GRID1: variants seen among roughly 807,000 people sequenced by gnomAD.
The protein encoded by GRID1 is glutamate receptor ionotropic, delta-1.
A neutral mutation model predicts 98.0 loss-of-function variants in GRID1; 28 were observed. The ratio of observed to expected loss-of-function variants is 0.29; its 90% CI spans 0.21 to 0.39. The LOEUF (loss-of-function observed/expected upper bound fraction) is 0.39, where lower values mean the gene tolerates loss of function less well. GRID1 is among the 10% of genes least tolerant of loss of function. GRID1 has a pLI of 1.00. For synonymous variants in GRID1, 553 were observed against 538.5 expected (o/e 1.03, Z -0.37); for missense variants, 1,111 against 1,340.5 (o/e 0.83, Z 2.67).
intron 4 of GRID1, among the ~76,000 whole-genome samples, chr10:86,138,087 C>G (rs904716558): frequency 6.6e-6 from 1 of 152,152 alleles, no homozygotes; most frequent in Non-Finnish European, 1.5e-5. Flanking sequence ...GCTCACCCCC[C>G]AAAACCAACC....
At position 85,613,752 on chromosome 10, in the gene GRID1, G is replaced by C; in HGVS notation, c.2361-105C>G. On this transcript the variant is annotated intron_variant, in intron 14 of 15. Transcript: ENST00000327946. The stretch of plus-strand genomic sequence containing the variant: ...TGCTGGCCCCACCACAGACAACATT[G>C]AGCCATCCTAGCAGCTTTCTGCCTT... 4 of 1,342,168 alleles carry C rather than the reference G, an allele frequency of 3.0e-6. No individual in the cohort carries two copies. In the South Asian group the frequency reaches 5.5e-5, roughly 18 times the overall value. The allele number at this position is 1,342,168 out of a possible 1,614,324, so 83.1% of individuals were successfully genotyped here. A position where few individuals can be genotyped will look rare whatever the true frequency, so the allele number is the denominator to read the frequency against.
At chr10:85,748,321 T>G in intron 8 of GRID1, among the ~76,000 whole-genome samples, 1 of 152,166 alleles carries the variant, frequency 6.6e-6, no homozygotes, top group South Asian at 2.1e-4. Flanking sequence ...TGAGATTGCC[T>G]GAGAAACATC....
chr10:86,024,897 T>G (rs1004645527), intron 4 of GRID1, among the ~76,000 whole-genome samples: 1 of 152,134 alleles, frequency 6.6e-6, no homozygotes, highest in Admixed American at 6.5e-5. Flanking sequence ...ACAGAGTAGA[T>G]AAGATGAGGC....
At chr10:86,260,428 C>G (rs1846998356) in intron 2 of GRID1, among the ~76,000 whole-genome samples, 1 of 152,212 alleles carries the variant, frequency 6.6e-6, no homozygotes, top group African/African-American at 2.4e-5. Flanking sequence ...CTAAGAACTT[C>G]TATGCTCCCA....
At chr10:85,772,003 A>G (rs1012757227) in intron 8 of GRID1, among the ~76,000 whole-genome samples, 1 of 152,186 alleles carries the variant, frequency 6.6e-6, no homozygotes, top group Non-Finnish European at 1.5e-5. Context: ...CTCCACCCCA[A>G]ATCAACAGAA....
intron 8 of GRID1, among the ~76,000 whole-genome samples, chr10:85,815,316 C>T (rs78360992): frequency 0.085 from 12,972 of 152,038 alleles, 704 homozygotes; most frequent in Middle Eastern, 0.17. Context: ...TGAATGCTTT[C>T]TCCCTAAGAG....
chr10:85,625,814 T>C (rs190646173), intron 13 of GRID1, among the ~76,000 whole-genome samples: 4 of 152,350 alleles, frequency 2.6e-5, no homozygotes, highest in Admixed American at 2.0e-4. Context: ...AGTGAGCTGA[T>C]TGGATGACTT....
intron 4 of GRID1, among the ~76,000 whole-genome samples, chr10:85,918,548 C>A (rs1176344878): frequency 6.6e-6 from 1 of 152,178 alleles, no homozygotes; most frequent in Non-Finnish European, 1.5e-5. Context: ...CACACTATAG[C>A]CCAGTCATGG....
intron 3 of GRID1, among the ~76,000 whole-genome samples, chr10:86,204,244 A>C (rs1335156200): frequency 1.3e-5 from 2 of 152,184 alleles, no homozygotes; most frequent in African/African-American, 2.4e-5. Context: ...GTTTTGTGTG[A>C]AAATGGCTTG....
At chr10:86,215,305 G>A (rs777998633) in intron 2 of GRID1, among the ~76,000 whole-genome samples, 2 of 152,230 alleles carry the variant, frequency 1.3e-5, no homozygotes, top group Admixed American at 6.5e-5. Flanking sequence ...ATGCAGTCAG[G>A]ATGCACGAAG....
intron 8 of GRID1, among the ~76,000 whole-genome samples, chr10:85,737,224 TG>T (rs1841891800): frequency 6.6e-6 from 1 of 152,060 alleles, no homozygotes; most frequent in Non-Finnish European, 1.5e-5. Context: ...CCTAGAAGGA[TG>T]TGTGTTAAGT....
At chr10:85,680,391 A>G (rs183924132) in intron 12 of GRID1, among the ~76,000 whole-genome samples, 33 of 152,302 alleles carry the variant, frequency 2.2e-4, no homozygotes, top group African/African-American at 7.0e-4. Context: ...ATCTTCCCAA[A>G]GTGCCACATG....
At chr10:85,977,944 G>T (rs532833086) in intron 4 of GRID1, among the ~76,000 whole-genome samples, 1 of 152,282 alleles carries the variant, frequency 6.6e-6, no homozygotes, top group African/African-American at 2.4e-5. Context: ...TGGCAGCTGT[G>T]ATCACAGACG....
intron 4 of GRID1, among the ~76,000 whole-genome samples, chr10:86,117,894 G>T (rs1253538754): frequency 6.6e-6 from 1 of 152,206 alleles, no homozygotes; most frequent in Non-Finnish European, 1.5e-5. Context: ...CAACAGTGTG[G>T]AGATACCTTA....
chr10:85,758,874 A>G (rs1374657102), intron 8 of GRID1, among the ~76,000 whole-genome samples: 1 of 152,220 alleles, frequency 6.6e-6, no homozygotes, highest in African/African-American at 2.4e-5. Context: ...CTGGTGGAAC[A>G]GACTCCAGAC....
intron 3 of GRID1, among the ~76,000 whole-genome samples, chr10:86,167,187 G>A (rs567308665): frequency 6.6e-6 from 1 of 152,360 alleles, no homozygotes; most frequent in Non-Finnish European, 1.5e-5. Flanking sequence ...GGACCAAGGA[G>A]CTTCCAATAA....
chr10:86,084,948 G>A (rs921490904), intron 4 of GRID1, among the ~76,000 whole-genome samples: 4 of 152,124 alleles, frequency 2.6e-5, no homozygotes, highest in African/African-American at 9.7e-5. Context: ...TTCTGGAAAC[G>A]GATGGTGGTG....
At position 85,599,607 on chromosome 10, in the gene GRID1, G is replaced by A. The variant is rs574637471; in HGVS notation, c.*2666C>T. The A allele has an allele frequency of 1.4e-3, 220 of 151,760 alleles. 5 individuals are homozygous for A. The highest frequency in any genetic ancestry group is 0.013 in the Admixed American group (204 of 15,204). The allele number at this position is 151,760 out of a possible 1,614,324, so 9.4% of individuals were successfully genotyped here. A position where few individuals can be genotyped will look rare whatever the true frequency, so the allele number is the denominator to read the frequency against. ...TGATTATTATTTGCAGTGTCTGAAG[G>A]CACAAAATATACCTAAAATGTATGG... On this transcript the variant is annotated 3_prime_UTR_variant, in exon 16 of 16. Coordinates refer to ENST00000327946, the MANE Select transcript of GRID1 (RefSeq NM_017551.3).
At chr10:85,760,720 A>G (rs1219887255) in intron 8 of GRID1, among the ~76,000 whole-genome samples, 1 of 152,134 alleles carries the variant, frequency 6.6e-6, no homozygotes, top group Non-Finnish European at 1.5e-5. Flanking sequence ...AATTTCCTCA[A>G]TTTTCCTGTT....
Sources: gnomAD v4.1 joint callset for allele counts (sites outside exome capture counted in the v4.1 genomes callset) on GRCh38, gnomAD v4.1.1 for gene constraint, MANE v1.5 for transcripts, NCBI Gene and HGNC (gene_info 2026-07-23, HGNC 2026-07-21) for gene names.